The following MAML2 variants were observed in gnomAD, a reference collection of about 807,000 sequenced individuals.
The protein encoded by MAML2 is mastermind like transcriptional coactivator 2.
A neutral mutation model predicts 96.1 loss-of-function variants in MAML2; 22 were observed. That is an observed-to-expected ratio of 0.23 (90% confidence interval 0.16 to 0.33). The LOEUF (loss-of-function observed/expected upper bound fraction) is 0.33, where lower values mean the gene tolerates loss of function less well. MAML2 is among the 10% of genes least tolerant of loss of function. The pLI is 1.00. For missense variants in MAML2, 1,367 were observed against 1,392.4 expected (o/e 0.98, Z 0.29); for synonymous variants, 561 against 521.3 (o/e 1.08, Z -1.04).
chr11:96,246,323 T>A (rs1047864708), intron 1 of MAML2, among the ~76,000 whole-genome samples: 8 of 152,066 alleles, frequency 5.3e-5, no homozygotes, highest in African/African-American at 1.9e-4. Context: ...TAAGGAGGTG[T>A]TTATAAGTAG....
intron 1 of MAML2, among the ~76,000 whole-genome samples, chr11:96,134,528 G>A (rs1665430744): frequency 6.6e-6 from 1 of 152,182 alleles, no homozygotes; most frequent in African/African-American, 2.4e-5. Flanking sequence ...TTTGAAGGCA[G>A]TCAAACTCTT....
At chr11:96,000,921 G>A (rs1858069471) in intron 2 of MAML2, among the ~76,000 whole-genome samples, 1 of 152,184 alleles carries the variant, frequency 6.6e-6, no homozygotes, top group Non-Finnish European at 1.5e-5. Context: ...TTGGGTGGTG[G>A]AGATGAAGGT....
chr11:96,037,202 C>T lies in MAML2; in HGVS notation c.2140-45479G>A, dbSNP rs1486800721. ...AAAATAAAAAATAAAAAAACAACAA[C>T]AACAAAAAAAATAACTCTGGCTTTG... is the stretch of plus-strand genomic sequence containing the variant. On this transcript the variant is annotated intron_variant, in intron 2 of 4. Transcript: ENST00000524717. Among the ~76,000 whole-genome samples the T allele has an allele frequency of 4.2e-5, 6 of 144,528 alleles. No homozygotes were observed. In the East Asian group the frequency reaches 1.4e-3, roughly 33 times the overall value. The allele number at this position is 144,528 out of a possible 152,430, so 94.8% of individuals were successfully genotyped here.
Position 95,979,572 on chromosome 11 carries a change from T to C in MAML2, c.2847A>G (p.Pro949=), listed in dbSNP as rs773775546. Residue 949 remains proline (P), a synonymous_variant, in exon 5 of 5, where the codon CCA becomes CCG. Coordinates refer to ENST00000524717, the MANE Select transcript of MAML2 (RefSeq NM_032427.4). ...TGATCATTACGTTTGATGTTCTCTG[T>C]GGTGGCATGCTTGCCATACTATGGG... ...NLTHSMASMP[P]QRTSNVMITS... 1 of 1,613,968 alleles carries C rather than the reference T, an allele frequency of 6.2e-7. No homozygotes were observed. The highest frequency in any genetic ancestry group is 1.1e-5 in the South Asian group (1 of 91,062).
intron 1 of MAML2, among the ~76,000 whole-genome samples, chr11:96,320,773 G>C (rs958014121): frequency 6.6e-6 from 1 of 152,190 alleles, no homozygotes; most frequent in Non-Finnish European, 1.5e-5. Context: ...GCTACAACCA[G>C]AAGATTCTTG....
rs926197131 is a variant in MAML2, at chr11:96,276,671, G to A, written c.513+64712C>T. ...TTAAATGGATCCACACATTGAAATG[G>A]CAATGTCTGTGCCTTTAAAACACCA... On this transcript the variant is annotated intron_variant, in intron 1 of 4. Transcript: ENST00000524717. Among the ~76,000 whole-genome samples, 10 of 152,022 alleles carry A rather than the reference G, an allele frequency of 6.6e-5. No homozygotes were observed. In the East Asian group the frequency reaches 1.9e-3, roughly 29 times the overall value.
chr11:96,215,879 A>T (rs1862042492), intron 1 of MAML2, among the ~76,000 whole-genome samples: 1 of 152,170 alleles, frequency 6.6e-6, no homozygotes, highest in South Asian at 2.1e-4. Flanking sequence ...GATTGGAACA[A>T]CAAAGGCAAT....
At chr11:96,063,392 G>C (rs968922329) in intron 2 of MAML2, among the ~76,000 whole-genome samples, 3 of 152,134 alleles carry the variant, frequency 2.0e-5, no homozygotes, top group Non-Finnish European at 2.9e-5. Flanking sequence ...TTTTAGCACT[G>C]TACCCACAGT....
intron 1 of MAML2, among the ~76,000 whole-genome samples, chr11:96,322,164 C>T (rs1258507399): frequency 6.6e-6 from 1 of 152,108 alleles, no homozygotes; most frequent in Admixed American, 6.6e-5. Context: ...GTCAGTGTTG[C>T]TATGAAAGGC....
intron 2 of MAML2, among the ~76,000 whole-genome samples, chr11:96,035,723 T>A (rs1050193970): frequency 1.3e-5 from 2 of 152,250 alleles, no homozygotes; most frequent in African/African-American, 4.8e-5. Context: ...GACTCCACTG[T>A]ATTCTTCCAG....
intron 1 of MAML2, among the ~76,000 whole-genome samples, chr11:96,339,761 T>C (rs1425809427): frequency 2.0e-5 from 3 of 152,218 alleles, no homozygotes; most frequent in South Asian, 4.1e-4. Flanking sequence ...CACACATACA[T>C]ACAAACCTCA....
intron 1 of MAML2, among the ~76,000 whole-genome samples, chr11:96,254,136 G>A (rs1423158010): frequency 6.6e-6 from 1 of 151,800 alleles, no homozygotes; most frequent in African/African-American, 2.4e-5. Flanking sequence ...GTTAAGCAGT[G>A]GCAAATCTAC....
intron 2 of MAML2, among the ~76,000 whole-genome samples, chr11:96,015,803 G>A (rs1858342250): frequency 6.6e-6 from 1 of 152,166 alleles, no homozygotes; most frequent in Non-Finnish European, 1.5e-5. Context: ...GGTATCTAAT[G>A]TTCTCATTAA....
At chr11:96,157,679 C>G (rs1037500585) in intron 1 of MAML2, among the ~76,000 whole-genome samples, 9 of 152,192 alleles carry the variant, frequency 5.9e-5, no homozygotes, top group Admixed American at 4.6e-4. Context: ...CCATTTATCT[C>G]TACATCAATA....
intron 1 of MAML2, among the ~76,000 whole-genome samples, chr11:96,172,030 C>T (rs78202867): frequency 0.03 from 4,602 of 152,306 alleles, 226 homozygotes; most frequent in African/African-American, 0.11. Flanking sequence ...TTGTAGAGAG[C>T]GACACTTGGG....
At chr11:96,098,635 T>C (rs1349876094) in intron 1 of MAML2, among the ~76,000 whole-genome samples, 1 of 152,228 alleles carries the variant, frequency 6.6e-6, no homozygotes, top group East Asian at 1.9e-4. Flanking sequence ...TTCTTTTCAC[T>C]CCCGTCCTTG....
intron 2 of MAML2, among the ~76,000 whole-genome samples, chr11:96,053,183 A>G (rs1053075697): frequency 6.6e-6 from 1 of 152,196 alleles, no homozygotes; most frequent in African/African-American, 2.4e-5. Context: ...ATTTTTTTAG[A>G]AAAAGGAATA....
chr11:96,283,597 T>C (rs1863100049), intron 1 of MAML2, among the ~76,000 whole-genome samples: 1 of 152,184 alleles, frequency 6.6e-6, no homozygotes, highest in Non-Finnish European at 1.5e-5. Context: ...GTGAGAAATG[T>C]ATCTGGGGCC....
At position 96,254,881 on chromosome 11, in the gene MAML2, G is replaced by A. The variant is rs146549843; in HGVS notation, c.513+86502C>T. On this transcript the variant is annotated intron_variant, in intron 1 of 4. Coordinates refer to ENST00000524717, the MANE Select transcript of MAML2 (RefSeq NM_032427.4). ...TGTCACCCAGGCTGGAGTGCATGGCGCAATCACAGCTGACTACAGCCTCTC... is the reference window on the plus strand; with the variant it reads ...TGTCACCCAGGCTGGAGTGCATGGCACAATCACAGCTGACTACAGCCTCTC... Among the ~76,000 whole-genome samples, 82 of 152,196 alleles carry A rather than the reference G, an allele frequency of 5.4e-4. No homozygotes were observed. In the East Asian group the frequency reaches 0.014, roughly 25 times the overall value.
Sources: allele counts gnomAD v4.1 joint callset (sites outside exome capture counted in the v4.1 genomes callset), GRCh38; gene constraint gnomAD v4.1.1; transcripts MANE v1.5; gene names NCBI Gene and HGNC (gene_info 2026-07-23, HGNC 2026-07-21).